SHISAL1: variants seen among roughly 807,000 people sequenced by gnomAD.
SHISAL1 encodes shisa like 1.
In SHISAL1, 9 loss-of-function variants were observed where a neutral mutation model predicts 22.6. The observed-to-expected ratio is 0.40, with a 90% CI of 0.24 to 0.70. SHISAL1 has a LOEUF of 0.70. SHISAL1 is among the 30% of genes least tolerant of loss of function. The pLI, the probability that SHISAL1 is intolerant of heterozygous loss-of-function variation, is 0.39. For synonymous variants in SHISAL1, 119 were observed against 115.4 expected (o/e 1.03, Z -0.20); for missense variants, 246 against 270.6 (o/e 0.91, Z 0.64).
chr22:44,318,976 C>T, the SHISAL1 span, among the ~76,000 whole-genome samples: 1 of 152,250 alleles, frequency 6.6e-6, no homozygotes, highest in African/African-American at 2.4e-5. Context: ...CACAAGTCCC[C>T]AGCGTGGCTA....
At chr22:44,320,450 C>T in the SHISAL1 span, among the ~76,000 whole-genome samples, 1 of 152,066 alleles carries the variant, frequency 6.6e-6, no homozygotes, top group Non-Finnish European at 1.5e-5. Flanking sequence ...TGGCCAGGGC[C>T]TTGGACAGTC....
At chr22:44,323,284 T>TCCAC in the SHISAL1 span, among the ~76,000 whole-genome samples, 7 of 104,148 alleles carry the variant, frequency 6.7e-5, 1 homozygote, top group African/African-American at 2.7e-4. Flanking sequence ...CATCCATCCA[T>TCCAC]CCACCTCACC....
At chr22:44,281,707 G>A (rs930569372) in intron 4 of SHISAL1, among the ~76,000 whole-genome samples, 8 of 152,162 alleles carry the variant, frequency 5.3e-5, no homozygotes, top group East Asian at 1.9e-4. Flanking sequence ...AGGAAATGAC[G>A]GGTGGAGTCT....
chr22:44,250,397 G>C (rs1209409675), intron 4 of SHISAL1, among the ~76,000 whole-genome samples: 1 of 152,174 alleles, frequency 6.6e-6, no homozygotes, highest in Non-Finnish European at 1.5e-5. Flanking sequence ...GAGACCAGTG[G>C]AACAAGATCT....
chr22:44,312,306 C>T (rs933307408), intron 1 of SHISAL1, among the ~76,000 whole-genome samples: 3 of 152,184 alleles, frequency 2.0e-5, no homozygotes, highest in Non-Finnish European at 2.9e-5. Context: ...ACCTCACCCC[C>T]GTGAAGCCAA....
rs555096024 is a variant in SHISAL1 at position 44,286,448 on chromosome 22, G to A, written c.282-703C>T. On this transcript the variant is annotated intron_variant, in intron 3 of 4. Coordinates refer to ENST00000381176, the MANE Select transcript of SHISAL1 (RefSeq NM_001099294.2). Reference sequence around the variant, plus strand: ...AAGTTGCGGGAGGGTTTGGAAGCCCGCTGTGAAGCCTGGCTCTCCCGGTGT... The same window carrying A: ...AAGTTGCGGGAGGGTTTGGAAGCCCACTGTGAAGCCTGGCTCTCCCGGTGT... 4.4e-4 allele frequency among the ~76,000 whole-genome samples: 67 copies of A among 152,226 alleles called. 1 individual carries two copies. Among genetic ancestry groups the A allele is most frequent in the South Asian group, 8.3e-4 (4 of 4,814 alleles).
chr22:44,286,343 C>T (rs2055315278), intron 3 of SHISAL1, among the ~76,000 whole-genome samples: 1 of 152,300 alleles, frequency 6.6e-6, no homozygotes, highest in South Asian at 2.1e-4. Flanking sequence ...GTCCGGGCCC[C>T]ATGACCTCAC....
At chr22:44,263,535 G>T (rs1042777396) in intron 4 of SHISAL1, among the ~76,000 whole-genome samples, 3 of 152,224 alleles carry the variant, frequency 2.0e-5, no homozygotes, top group Admixed American at 1.3e-4. Context: ...AGGAGAAAGA[G>T]ACTCTGCTGA....
chr22:44,299,921 G>C (rs1480352255), intron 2 of SHISAL1, among the ~76,000 whole-genome samples: 1 of 151,352 alleles, frequency 6.6e-6, no homozygotes, highest in Non-Finnish European at 1.5e-5. Context: ...GACAGAAACA[G>C]AGACAGACAC....
At chr22:44,328,391 T>C in the SHISAL1 span, among the ~76,000 whole-genome samples, 1 of 152,092 alleles carries the variant, frequency 6.6e-6, no homozygotes, top group African/African-American at 2.4e-5. Context: ...GGAAGCTGGG[T>C]TCCGAGTGTG....
chr22:44,308,239 C>T (rs762835586), intron 1 of SHISAL1, among the ~76,000 whole-genome samples: 1 of 152,212 alleles, frequency 6.6e-6, no homozygotes, highest in African/African-American at 2.4e-5. Context: ...CAGGCCTGGC[C>T]ACGTGCTTCT....
chr22:44,274,102 C>T (rs1311188048), intron 4 of SHISAL1, among the ~76,000 whole-genome samples: 4 of 134,390 alleles, frequency 3.0e-5, no homozygotes, highest in Admixed American at 8.2e-5. Context: ...AAAAATTAGG[C>T]GGACGTGGTG....
chr22:44,254,803 G>A (rs572760264), intron 4 of SHISAL1, among the ~76,000 whole-genome samples: 1 of 148,178 alleles, frequency 6.7e-6, no homozygotes, highest in Non-Finnish European at 1.5e-5. Context: ...GTAGAAGGTG[G>A]AGGTGACAGC....
intron 1 of SHISAL1, among the ~76,000 whole-genome samples, chr22:44,311,910 G>A (rs1184072620): frequency 6.6e-6 from 1 of 152,184 alleles, no homozygotes; most frequent in Non-Finnish European, 1.5e-5. Context: ...AACAACCCCT[G>A]GAAATCCCAG....
rs1171409387 is a variant in SHISAL1 at position 44,310,120 on chromosome 22, G to T, written c.-33+2631C>A. Among the ~76,000 whole-genome samples the T allele has an allele frequency of 6.6e-6, 1 of 152,200 alleles. No homozygotes were observed. The highest frequency in any genetic ancestry group is 1.5e-5 in the Non-Finnish European group (1 of 68,034). On this transcript the variant is annotated intron_variant, in intron 1 of 4. Coordinates refer to ENST00000381176, the MANE Select transcript of SHISAL1 (RefSeq NM_001099294.2). This position sits in a 1 kb window ranked among gnomAD's most constrained non-coding sequence, Gnocchi z 4.0. ...GCCAGCACCTCACACCCTAGTAACG[G>T]CCAATGTGACCTGAGCCCTGCTGAC...
chr22:44,312,871 G>T lies in SHISAL1; in HGVS notation c.-153C>A, dbSNP rs1320097001. 1 of 152,300 alleles carries T rather than the reference G, an allele frequency of 6.6e-6. No homozygotes were observed. The highest frequency in any genetic ancestry group is 1.5e-5 in the Non-Finnish European group (1 of 68,068). The allele number at this position is 152,300 out of a possible 1,614,324, so 9.4% of individuals were successfully genotyped here. ...AACCTTAAACCCCAATAAAAGGAGA[G>T]CAACTTGGTCGAGCCTTGTATAGGC... On this transcript the variant is annotated 5_prime_UTR_variant, in exon 1 of 5. Transcript: ENST00000381176.
In SHISAL1 at chr22:44,296,710, C is replaced by T; in HGVS notation, c.243G>A (p.Gln81=). Reference sequence around the variant, plus strand: ...CCTCGGAGCTGGCCGTGAGGTTCGCCTGCATCACCGCCTGGAACTCCGTCT... The same window carrying T: ...CCTCGGAGCTGGCCGTGAGGTTCGCTTGCATCACCGCCTGGAACTCCGTCT... ...CNETEFQAVM[Q]ANLTASSEGY... The change falls in exon 3 of 5, where the codon CAG becomes CAA. Residue 81 remains glutamine (Q), a synonymous_variant. Transcript: ENST00000381176. 2 of 1,614,076 alleles carry T rather than the reference C, an allele frequency of 1.2e-6. No homozygotes were observed. The highest frequency in any genetic ancestry group is 1.7e-6 in the Non-Finnish European group (2 of 1,180,048).
intron 3 of SHISAL1, among the ~76,000 whole-genome samples, chr22:44,286,957 C>G (rs1479409851): frequency 6.6e-6 from 1 of 152,142 alleles, no homozygotes; most frequent in Non-Finnish European, 1.5e-5. Flanking sequence ...GTGAATGGAG[C>G]CAGTGTCCGG....
chr22:44,277,264 C>T (rs1333608046), intron 4 of SHISAL1, among the ~76,000 whole-genome samples: 1 of 152,116 alleles, frequency 6.6e-6, no homozygotes, highest in Non-Finnish European at 1.5e-5. Context: ...CAGGGCCTTT[C>T]CGCGTTTCCT....
Sources: allele counts gnomAD v4.1 joint callset (sites outside exome capture counted in the v4.1 genomes callset), GRCh38; gene constraint gnomAD v4.1.1; non-coding constraint Gnocchi (gnomAD v3.1); transcripts MANE v1.5; gene names NCBI Gene and HGNC (gene_info 2026-07-23, HGNC 2026-07-21).